The following OR51B5 variants were observed in gnomAD, a reference collection of about 807,000 sequenced individuals.
OR51B5 encodes olfactory receptor 51B5.
For missense variants in OR51B5, 456 were observed against 374.6 expected (o/e 1.22, Z -1.79); for synonymous variants, 186 against 144.8 (o/e 1.28, Z -2.04).
intron 1 of OR51B5, among the ~76,000 whole-genome samples, chr11:5,445,559 C>T (rs568098900): frequency 6.6e-6 from 1 of 151,998 alleles, no homozygotes; most frequent in South Asian, 2.1e-4. Context: ...AGTATACAGA[C>T]CAATAAAGAC....
intron 1 of OR51B5, chr11:5,489,754 T>C: frequency 1.2e-6 from 1 of 869,068 alleles, no homozygotes; most frequent in South Asian, 1.6e-5. Context: ...GTGAAAGGAA[T>C]GGTATGACAT....
chr11:5,368,351 T>C (rs547574491), intron 1 of OR51B5, among the ~76,000 whole-genome samples: 3 of 152,196 alleles, frequency 2.0e-5, no homozygotes, highest in African/African-American at 7.2e-5. Flanking sequence ...CATCTTTAAG[T>C]GGGGATACCA....
At chr11:5,351,776 T>A (rs7483122) in intron 1 of OR51B5, 1 of 1,613,854 alleles carries the variant, frequency 6.2e-7, no homozygotes, top group African/African-American at 1.3e-5. Flanking sequence ...CACAGGGAGA[T>A]TGGCCATGGA....
intron 1 of OR51B5, chr11:5,488,651 T>A: frequency 1.7e-6 from 2 of 1,178,768 alleles, no homozygotes; most frequent in Non-Finnish European, 2.5e-6. Flanking sequence ...ATATCTGATG[T>A]TACAGGGCAA....
intron 1 of OR51B5, among the ~76,000 whole-genome samples, chr11:5,384,539 C>T (rs1849655592): frequency 1.3e-5 from 2 of 152,166 alleles, no homozygotes; most frequent in Non-Finnish European, 2.9e-5. Flanking sequence ...TGCCTCACTC[C>T]CCTGATGAGT....
chr11:5,375,955 G>A (rs1257009967), intron 1 of OR51B5, among the ~76,000 whole-genome samples: 1 of 151,956 alleles, frequency 6.6e-6, no homozygotes, highest in Non-Finnish European at 1.5e-5. Context: ...TCTGCACCAA[G>A]CAGACCTAAT....
At chr11:5,487,499 G>A (rs1851515239) in intron 1 of OR51B5, among the ~76,000 whole-genome samples, 1 of 152,138 alleles carries the variant, frequency 6.6e-6, no homozygotes, top group African/African-American at 2.4e-5. Flanking sequence ...TTTCTAAATT[G>A]AGACTGTCCA....
chr11:5,409,266 T>C (rs1042483817), intron 1 of OR51B5, among the ~76,000 whole-genome samples: 1 of 152,178 alleles, frequency 6.6e-6, no homozygotes, highest in Non-Finnish European at 1.5e-5. Context: ...AGAGCCATTT[T>C]CTTTCCCTGG....
At chr11:5,370,614 C>A (rs546031934) in intron 1 of OR51B5, among the ~76,000 whole-genome samples, 5 of 152,080 alleles carry the variant, frequency 3.3e-5, no homozygotes, top group Non-Finnish European at 7.4e-5. Context: ...ATTTAACAAG[C>A]GGTCATTGTT....
At chr11:5,359,226 T>C (rs1440513819) in intron 1 of OR51B5, among the ~76,000 whole-genome samples, 2 of 149,298 alleles carry the variant, frequency 1.3e-5, no homozygotes, top group Non-Finnish European at 3.0e-5. Flanking sequence ...GATGACACGA[T>C]TGTATATCTA....
intron 1 of OR51B5, among the ~76,000 whole-genome samples, chr11:5,376,444 T>A (rs550136737): frequency 2.9e-3 from 437 of 150,794 alleles, no homozygotes; most frequent in Non-Finnish European, 5.4e-3. Context: ...CTAGCAGAAG[T>A]CAAGAAATAA....
At chr11:5,362,968 T>TAAA (rs776247574) in intron 1 of OR51B5, 19,868 of 144,816 alleles carry the variant, frequency 0.14, 1,373 homozygotes, top group African/African-American at 0.16. Context: ...TGTATGGCAT[T>TAAA]AAAAAAAAAA....
At chr11:5,460,924 C>T (rs1326403089) in intron 1 of OR51B5, among the ~76,000 whole-genome samples, 1 of 152,212 alleles carries the variant, frequency 6.6e-6, no homozygotes, top group Admixed American at 6.5e-5. Context: ...GTTTTCTGGC[C>T]TTTCGAGGTC....
intron 1 of OR51B5, chr11:5,456,125 A>G (rs1350351960): frequency 9.2e-5 from 14 of 152,194 alleles, no homozygotes; most frequent in Non-Finnish European, 4.4e-5. Flanking sequence ...GCCAAATGAA[A>G]GTAAACTCTC....
At chr11:5,437,094 G>C (rs1850605044) in intron 1 of OR51B5, among the ~76,000 whole-genome samples, 1 of 152,106 alleles carries the variant, frequency 6.6e-6, no homozygotes, top group Non-Finnish European at 1.5e-5. Flanking sequence ...ATAAGAAAAA[G>C]CAAACAAGAA....
At chr11:5,398,023 G>A (rs530418015) in intron 1 of OR51B5, among the ~76,000 whole-genome samples, 18 of 152,226 alleles carry the variant, frequency 1.2e-4, no homozygotes, top group African/African-American at 2.9e-4. Context: ...GACACAGGAA[G>A]GGGAACATCA....
At chr11:5,369,934 C>T (rs17356535) in intron 1 of OR51B5, among the ~76,000 whole-genome samples, 16,850 of 152,168 alleles carry the variant, frequency 0.11, 1,057 homozygotes, top group South Asian at 0.15. Context: ...AAGACATTTT[C>T]TCAGGATTTT....
chr11:5,449,554 G>A (rs1292368523), intron 1 of OR51B5, among the ~76,000 whole-genome samples: 1 of 152,170 alleles, frequency 6.6e-6, no homozygotes. Flanking sequence ...TCTTGTTCTG[G>A]CACTGCCATG....
chr11:5,419,857 A>G (rs1313702623), intron 1 of OR51B5, among the ~76,000 whole-genome samples: 1 of 151,982 alleles, frequency 6.6e-6, no homozygotes, highest in Non-Finnish European at 1.5e-5. Context: ...TTATTTTTAT[A>G]GCAACTACCA....
Sources: gnomAD v4.1 joint callset for allele counts (sites outside exome capture counted in the v4.1 genomes callset) on GRCh38, gnomAD v4.1.1 for gene constraint, MANE v1.5 for transcripts, NCBI Gene and HGNC (gene_info 2026-07-23, HGNC 2026-07-21) for gene names.